MLIP: variants seen among roughly 807,000 people sequenced by gnomAD.
MLIP encodes the protein muscular LMNA interacting protein.
Under a neutral mutation model 84.8 loss-of-function variants are expected in MLIP, and 79 were observed. The observed-to-expected ratio is 0.93, with a 90% CI of 0.78 to 1.12. MLIP has a LOEUF of 1.12. Ranked by LOEUF, MLIP falls within the 50% of genes most tolerant of loss-of-function variation. MLIP has a pLI of 0.00. For synonymous variants in MLIP, 504 were observed against 463.0 expected (o/e 1.09, Z -1.14); for missense variants, 1,257 against 1,160.6 (o/e 1.08, Z -1.21).
intron 5 of MLIP, among the ~76,000 whole-genome samples, chr6:54,157,321 G>A (rs569963001): frequency 3.9e-5 from 6 of 152,212 alleles, no homozygotes; most frequent in African/African-American, 1.4e-4. Flanking sequence ...TGCTAGAATT[G>A]AGAGAGCCTC....
At chr6:54,071,051 AGAGTT>A (rs960739302) in intron 1 of MLIP, among the ~76,000 whole-genome samples, 7 of 152,196 alleles carry the variant, frequency 4.6e-5, no homozygotes, top group African/African-American at 1.7e-4. Flanking sequence ...TACTTTAGAT[AGAGTT>A]AAGACCCACG....
At position 54,230,755 on chromosome 6, in the gene MLIP, A is replaced by G. The variant is rs1780938062; in HGVS notation, c.2760A>G (p.Leu920=). 1 of 1,614,072 alleles carries G rather than the reference A, an allele frequency of 6.2e-7. No individual in the cohort carries two copies. ...VPPKPVSLHP[L]YQTKLYPPAK... The stretch of plus-strand genomic sequence containing the variant: ...CCAAGCCTGTCTCGCTCCATCCTTT[A>G]TATCAGACTAAACTCTATCCTCCTG... The change falls in exon 12 of 14, where the codon TTA becomes TTG. Residue 920 remains leucine, a synonymous_variant. Transcript: ENST00000502396.
intron 11 of MLIP, among the ~76,000 whole-genome samples, chr6:54,204,180 A>G (rs1778887197): frequency 6.6e-6 from 1 of 152,344 alleles, no homozygotes; most frequent in East Asian, 1.9e-4. Context: ...AATGATAATT[A>G]GAGGCAATTA....
intron 1 of MLIP, among the ~76,000 whole-genome samples, chr6:54,060,674 G>T (rs565988888): frequency 1.3e-5 from 2 of 152,086 alleles, no homozygotes; most frequent in African/African-American, 2.4e-5. Context: ...TAAGTCAAGG[G>T]TTACATAAAT....
intron 5 of MLIP, among the ~76,000 whole-genome samples, chr6:54,153,574 G>C (rs559348277): frequency 3.3e-5 from 5 of 152,020 alleles, no homozygotes; most frequent in African/African-American, 1.2e-4. Context: ...TTGGCAGGGC[G>C]TGATGGCTCA....
intron 4 of MLIP, among the ~76,000 whole-genome samples, chr6:54,139,329 A>G (rs923474961): frequency 2.0e-5 from 3 of 152,232 alleles, no homozygotes; most frequent in Admixed American, 6.5e-5. Context: ...ACTGAGTTCA[A>G]TATAACAGGA....
intron 1 of MLIP, among the ~76,000 whole-genome samples, chr6:54,089,461 C>G (rs1457573322): frequency 1.3e-5 from 2 of 152,008 alleles, no homozygotes; most frequent in Non-Finnish European, 2.9e-5. Context: ...GAATGTCGCT[C>G]AATATACATT....
At chr6:54,127,231 A>G (rs536293279) in intron 3 of MLIP, among the ~76,000 whole-genome samples, 2 of 152,206 alleles carry the variant, frequency 1.3e-5, no homozygotes, top group African/African-American at 4.8e-5. Context: ...GTGGGGGAAA[A>G]AATTCTCCAT....
At chr6:54,232,461 C>T (rs1781073268) in intron 12 of MLIP, among the ~76,000 whole-genome samples, 1 of 152,040 alleles carries the variant, frequency 6.6e-6, no homozygotes, top group South Asian at 2.1e-4. Flanking sequence ...TAGATTTTGT[C>T]TTTCTGAGTG....
chr6:54,130,703 C>CTACG (rs1458881116), intron 3 of MLIP, among the ~76,000 whole-genome samples: 2 of 151,972 alleles, frequency 1.3e-5, no homozygotes, highest in Non-Finnish European at 2.9e-5. Context: ...AGTGGGAAGC[C>CTACG]TACGGGGAGG....
At chr6:54,188,342 CT>C (rs1183992431) in intron 9 of MLIP, among the ~76,000 whole-genome samples, 1 of 152,016 alleles carries the variant, frequency 6.6e-6, no homozygotes, top group Non-Finnish European at 1.5e-5. Context: ...ATTTTTAAAA[CT>C]TTTTGACTCT....
chr6:54,062,389 A>G (rs1766017425), intron 1 of MLIP, among the ~76,000 whole-genome samples: 1 of 152,208 alleles, frequency 6.6e-6, no homozygotes, highest in Admixed American at 6.5e-5. Flanking sequence ...CTGTTTAACT[A>G]ATGTTTTGGG....
chr6:54,219,013 C>A (rs1412359137), intron 11 of MLIP, among the ~76,000 whole-genome samples: 1 of 151,352 alleles, frequency 6.6e-6, no homozygotes, highest in East Asian at 2.0e-4. Flanking sequence ...ACCATCCTGG[C>A]TAACATGGTG....
chr6:54,169,766 AT>A (rs1413305223), intron 9 of MLIP, among the ~76,000 whole-genome samples, 194 bp downstream of exon 9: 1 of 151,712 alleles, frequency 6.6e-6, no homozygotes, highest in African/African-American at 2.4e-5. Flanking sequence ...TATCAAATAA[AT>A]TTGTCCTTAA....
chr6:54,087,745 G>T (rs988276966), intron 1 of MLIP, among the ~76,000 whole-genome samples: 1 of 151,912 alleles, frequency 6.6e-6, no homozygotes, highest in Admixed American at 6.6e-5. Flanking sequence ...GGGTGATGCT[G>T]CCATTTACTG....
chr6:54,166,533 CTAGAG>C (rs1775213098), intron 8 of MLIP, among the ~76,000 whole-genome samples: 1 of 151,826 alleles, frequency 6.6e-6, no homozygotes, highest in Non-Finnish European at 1.5e-5. Flanking sequence ...ATATTTTCCT[CTAGAG>C]TATTTTAGAA....
At chr6:54,133,497 G>C (rs1167629892) in intron 3 of MLIP, among the ~76,000 whole-genome samples, 1 of 152,134 alleles carries the variant, frequency 6.6e-6, no homozygotes, top group Admixed American at 6.6e-5. Context: ...AACTATATAC[G>C]ATCCACATCT....
At chr6:54,079,483 G>A (rs182357695) in intron 1 of MLIP, 2 of 152,220 alleles carry the variant, frequency 1.3e-5, no homozygotes, top group East Asian at 1.9e-4. Context: ...TTTATAGTGT[G>A]TTATTTGGAA....
At chr6:54,075,372 A>G (rs1766740362) in intron 1 of MLIP, among the ~76,000 whole-genome samples, 1 of 151,428 alleles carries the variant, frequency 6.6e-6, no homozygotes, top group Non-Finnish European at 1.5e-5. Context: ...TCTCTGCTGT[A>G]TCTAGGTGGA....
Sources: allele counts gnomAD v4.1 joint callset (sites outside exome capture counted in the v4.1 genomes callset), GRCh38; gene constraint gnomAD v4.1.1; transcripts MANE v1.5; gene names NCBI Gene and HGNC (gene_info 2026-07-23, HGNC 2026-07-21).